MBNL2: variants seen among roughly 807,000 people sequenced by gnomAD.
MBNL2 encodes muscleblind like splicing regulator 2.
In MBNL2, 17 loss-of-function variants were observed where a neutral mutation model predicts 41.9. The observed-to-expected ratio is 0.41, with a 90% CI of 0.28 to 0.61. The LOEUF (loss-of-function observed/expected upper bound fraction) is 0.61, where lower values mean the gene tolerates loss of function less well. Ranked by LOEUF, MBNL2 falls within the 20% of genes least tolerant of loss-of-function variation. The probability of loss-of-function intolerance (pLI) is 0.35; values close to 1 mark genes in which losing one functional copy is unlikely to be tolerated. For synonymous variants in MBNL2, 195 were observed against 182.9 expected, an observed-to-expected ratio of 1.07 and a Z score of -0.53; for missense variants, 336 against 505.6, an observed-to-expected ratio of 0.66 and a Z score of 3.22.
chr13:97,330,860 G>A (rs2060376012), intron 2 of MBNL2, among the ~76,000 whole-genome samples: 1 of 152,104 alleles, frequency 6.6e-6, no homozygotes, highest in South Asian at 2.1e-4. Flanking sequence ...CTGTTACGTA[G>A]AGTCTCCGAG....
At chr13:97,335,627 T>C (rs536747460) in intron 3 of MBNL2, among the ~76,000 whole-genome samples, 1 of 152,138 alleles carries the variant, frequency 6.6e-6, no homozygotes, top group South Asian at 2.1e-4. Context: ...ATAAATAAGA[T>C]ACAGTGTTTT....
At chr13:97,241,869 G>C (rs956195420) in intron 1 of MBNL2, among the ~76,000 whole-genome samples, 27 of 152,166 alleles carry the variant, frequency 1.8e-4, no homozygotes, top group Non-Finnish European at 2.1e-4. Context: ...GTTGAGCTTA[G>C]AAGGATGCCT....
chr13:97,347,839 A>C (rs1437463168), intron 5 of MBNL2, among the ~76,000 whole-genome samples: 2 of 152,152 alleles, frequency 1.3e-5, no homozygotes, highest in Non-Finnish European at 2.9e-5. Flanking sequence ...AAGCCTGTGG[A>C]GCCTCCAGAA....
chr13:97,269,752 C>T (rs557185505), intron 1 of MBNL2, among the ~76,000 whole-genome samples: 2 of 152,188 alleles, frequency 1.3e-5, no homozygotes, highest in African/African-American at 4.8e-5. Context: ...AGAAGTGAAG[C>T]CTTCTCCAGA....
intron 7 of MBNL2, among the ~76,000 whole-genome samples, chr13:97,362,153 TC>T (rs958709128): frequency 1.3e-5 from 2 of 151,616 alleles, no homozygotes; most frequent in African/African-American, 4.8e-5. Flanking sequence ...GATTTTTTTT[TC>T]AGATTTTGGA....
intron 2 of MBNL2, among the ~76,000 whole-genome samples, chr13:97,329,826 AACACACACACAC>A (rs60899519): frequency 0.33 from 49,305 of 149,558 alleles, 10,331 homozygotes; most frequent in African/African-American, 0.6. Flanking sequence ...ATACACATGC[AACACACACACAC>A]ACACACACAC....
the MBNL2 span, among the ~76,000 whole-genome samples, chr13:97,166,205 A>C: frequency 6.6e-6 from 1 of 152,216 alleles, no homozygotes; most frequent in African/African-American, 2.4e-5. Flanking sequence ...AGGATGTATT[A>C]TTTGGGATAT....
At chr13:97,154,348 T>C in the MBNL2 span, among the ~76,000 whole-genome samples, 1 of 152,152 alleles carries the variant, frequency 6.6e-6, no homozygotes, top group African/African-American at 2.4e-5. Context: ...AGAGTCTTGC[T>C]CTTTTTCCCA....
At chr13:97,356,032 T>A (rs1345639757) in intron 5 of MBNL2, among the ~76,000 whole-genome samples, 2 of 152,224 alleles carry the variant, frequency 1.3e-5, no homozygotes, top group East Asian at 1.9e-4. Context: ...AAGTTGGTTG[T>A]TAGAAACAAG....
chr13:97,391,719 T>G lies in MBNL2; in HGVS notation c.*270T>G. On this transcript the variant is annotated 3_prime_UTR_variant, in exon 9 of 9. Coordinates refer to ENST00000679496, the MANE Select transcript of MBNL2 (RefSeq NM_001382683.1). ...AGTTTACTCATTTCGATTCAGAATA[T>G]TTCAAATTTAGCAATAAACAATTAG... is the stretch of plus-strand genomic sequence containing the variant. 1 of 319,890 alleles carries G rather than the reference T, an allele frequency of 3.1e-6. No individual in the cohort carries two copies. Among genetic ancestry groups the G allele is most frequent in the Non-Finnish European group, 5.6e-6 (1 of 177,374 alleles). 19.8% of individuals were successfully genotyped at this position (319,890 alleles called of 1,614,324 possible).
At chr13:97,261,670 T>C (rs2048658161) in intron 1 of MBNL2, among the ~76,000 whole-genome samples, 1 of 152,176 alleles carries the variant, frequency 6.6e-6, no homozygotes, top group Admixed American at 6.5e-5. Flanking sequence ...CCACCAAAGA[T>C]TTCCCACACT....
chr13:97,150,591 C>A, the MBNL2 span, among the ~76,000 whole-genome samples: 1 of 152,234 alleles, frequency 6.6e-6, no homozygotes, highest in Non-Finnish European at 1.5e-5. Flanking sequence ...ATGAGGACTT[C>A]ATTTTCACTC....
chr13:97,341,691 A>G (rs2061454497), intron 3 of MBNL2, among the ~76,000 whole-genome samples: 1 of 152,192 alleles, frequency 6.6e-6, no homozygotes, highest in Admixed American at 6.5e-5. Context: ...CTTTGAAAAT[A>G]GGCTTTCCTG....
chr13:97,148,181 C>T, the MBNL2 span, among the ~76,000 whole-genome samples: 2 of 152,306 alleles, frequency 1.3e-5, no homozygotes, highest in East Asian at 3.9e-4. Context: ...CCAGTTGAGA[C>T]CTCTGGGAAG....
the MBNL2 span, among the ~76,000 whole-genome samples, chr13:97,166,837 T>TAGATAGATAGATAGATAGAA: frequency 7.0e-6 from 1 of 143,384 alleles, no homozygotes; most frequent in East Asian, 2.1e-4. Flanking sequence ...GATAGATAGA[T>TAGATAGATAGATAGATAGAA]AGAAAGATAG....
chr13:97,174,794 G>A, the MBNL2 span, among the ~76,000 whole-genome samples: 1 of 151,982 alleles, frequency 6.6e-6, no homozygotes, highest in Admixed American at 6.6e-5. Context: ...AGACTCTCTA[G>A]ACTCTGGAAT....
chr13:97,160,002 C>G, the MBNL2 span, among the ~76,000 whole-genome samples: 15,397 of 151,578 alleles, frequency 0.1, 877 homozygotes, highest in South Asian at 0.15. Flanking sequence ...TTTCCAACTT[C>G]GTTCCATTCT....
intron 2 of MBNL2, among the ~76,000 whole-genome samples, chr13:97,290,147 C>G (rs1036681793): frequency 6.6e-6 from 1 of 152,122 alleles, no homozygotes. Flanking sequence ...ACTATTTGCT[C>G]AAATAAGCCC....
chr13:97,284,195 CT>C (rs758329062), intron 2 of MBNL2, among the ~76,000 whole-genome samples: 20 of 152,258 alleles, frequency 1.3e-4, no homozygotes, highest in East Asian at 7.7e-4. Context: ...TCAAAGTGCT[CT>C]TGGTCCTTTC....
Sources: gnomAD v4.1 joint callset for allele counts (sites outside exome capture counted in the v4.1 genomes callset) on GRCh38, gnomAD v4.1.1 for gene constraint, MANE v1.5 for transcripts, NCBI Gene and HGNC (gene_info 2026-07-23, HGNC 2026-07-21) for gene names.